RAD51C: variants seen among roughly 807,000 people sequenced by gnomAD.
RAD51C encodes RAD51 paralog C, also known as DNA repair protein RAD51 homolog 3.
In RAD51C, 42 loss-of-function variants were observed where a neutral mutation model predicts 45.0. The observed-to-expected ratio is 0.93, with a 90% CI of 0.73 to 1.21. The LOEUF (loss-of-function observed/expected upper bound fraction) is 1.21. RAD51C is among the 50% of genes most tolerant of loss of function. The probability of loss-of-function intolerance (pLI) is 0.00; values close to 1 mark genes in which losing one functional copy is unlikely to be tolerated. For synonymous variants in RAD51C, 172 were observed against 159.8 expected, an observed-to-expected ratio of 1.08 and a Z score of -0.58; for missense variants, 474 against 452.2, an observed-to-expected ratio of 1.05 and a Z score of -0.44.
Position 58,697,428 on chromosome 17 carries a change from A to G in RAD51C, c.571+569A>G, listed in dbSNP as rs177319. ...GCACATGCCTGTAATCTCAGCTACT[A>G]AGGAGGCTGAGGCAGGAGAATCACT... On this transcript the variant is annotated intron_variant, in intron 3 of 8. Transcript: ENST00000337432. 3.7e-3 allele frequency among the ~76,000 whole-genome samples: 561 copies of G among 151,348 alleles called. 3 individuals carry two copies. Among genetic ancestry groups the G allele is most frequent in the Non-Finnish European group, 5.6e-3 (378 of 67,816 alleles).
chr17:58,714,068 T>A (rs567832478), intron 5 of RAD51C, among the ~76,000 whole-genome samples: 1 of 149,738 alleles, frequency 6.7e-6, no homozygotes, highest in Admixed American at 6.7e-5. Flanking sequence ...CACTGCAGCC[T>A]CCACCTCCCA....
Position 58,699,180 on chromosome 17 carries a change from G to GT in RAD51C, c.571+2328dup, listed in dbSNP as rs1286851525. On this transcript the variant is annotated intron_variant, in intron 3 of 8. Transcript: ENST00000337432. ...TGCCACAATGCCCGGCTAATTTTTTGTTTTTTTAGCAGAGATGGAGTTTCA... is the reference window on the plus strand; with the variant it reads ...TGCCACAATGCCCGGCTAATTTTTTGTTTTTTTTAGCAGAGATGGAGTTTCA... Among the ~76,000 whole-genome samples, 14 of 151,696 alleles carry GT rather than the reference G, an allele frequency of 9.2e-5. No individual in the cohort carries two copies. In the East Asian group the frequency reaches 2.0e-3, roughly 21 times the overall value.
At chr17:58,699,568 T>C (rs1347503458) in intron 3 of RAD51C, among the ~76,000 whole-genome samples, 1 of 152,168 alleles carries the variant, frequency 6.6e-6, no homozygotes, top group Non-Finnish European at 1.5e-5. Flanking sequence ...GCATAAGGAT[T>C]ATTTTGAGCT....
chr17:58,730,858 AT>A (rs1288765823), intron 7 of RAD51C, among the ~76,000 whole-genome samples: 1 of 152,088 alleles, frequency 6.6e-6, no homozygotes, highest in Admixed American at 6.6e-5. Flanking sequence ...GTACATTCAT[AT>A]TGTGCAGCCA....
At chr17:58,710,490 C>T (rs2048523317) in intron 5 of RAD51C, among the ~76,000 whole-genome samples, 2 of 142,652 alleles carry the variant, frequency 1.4e-5, no homozygotes, top group Non-Finnish European at 1.5e-5. Context: ...AGCAAGACTC[C>T]GTCTCAAGGC....
intron 3 of RAD51C, among the ~76,000 whole-genome samples, chr17:58,702,427 G>A (rs918898774): frequency 6.6e-6 from 1 of 152,060 alleles, no homozygotes; most frequent in African/African-American, 2.4e-5. Context: ...GGTGGTTCAT[G>A]CCTGTAATCC....
At chr17:58,705,065 A>T (rs2048332928) in intron 4 of RAD51C, among the ~76,000 whole-genome samples, 1 of 151,882 alleles carries the variant, frequency 6.6e-6, no homozygotes, top group Non-Finnish European at 1.5e-5. Flanking sequence ...TGGGAAGCAG[A>T]GGTTGCAGTG....
At chr17:58,704,264 T>G (rs2048307329) in intron 4 of RAD51C, among the ~76,000 whole-genome samples, 1 of 151,770 alleles carries the variant, frequency 6.6e-6, no homozygotes, top group Non-Finnish European at 1.5e-5. Flanking sequence ...TGGCTTGCCT[T>G]TATTTATTTA....
chr17:58,718,423 T>C (rs2048812299), intron 5 of RAD51C, among the ~76,000 whole-genome samples: 1 of 152,200 alleles, frequency 6.6e-6, no homozygotes, highest in Admixed American at 6.5e-5. Flanking sequence ...GGAGGGAAGA[T>C]ATGTATTAGA....
At chr17:58,697,105 G>A (rs2048044756) in intron 3 of RAD51C, among the ~76,000 whole-genome samples, 1 of 152,120 alleles carries the variant, frequency 6.6e-6, no homozygotes, top group African/African-American at 2.4e-5. Flanking sequence ...ACCTATGTAT[G>A]TATTTCAGTC....
intron 7 of RAD51C, among the ~76,000 whole-genome samples, chr17:58,729,091 A>G (rs1321414311): frequency 1.3e-5 from 2 of 152,222 alleles, no homozygotes; most frequent in Non-Finnish European, 2.9e-5. Context: ...ATGTTAAGCT[A>G]CATCTCAGCT....
chr17:58,733,719 A>G (rs568340735), intron 8 of RAD51C, among the ~76,000 whole-genome samples: 1 of 152,268 alleles, frequency 6.6e-6, no homozygotes, highest in East Asian at 1.9e-4. Context: ...TTCTATCTCA[A>G]GAACTTTCTT....
At chr17:58,719,358 G>A (rs1208795292) in intron 5 of RAD51C, among the ~76,000 whole-genome samples, 2 of 151,836 alleles carry the variant, frequency 1.3e-5, no homozygotes, top group African/African-American at 4.8e-5. Context: ...GACTACAGTT[G>A]TGCACCACCA....
intron 5 of RAD51C, among the ~76,000 whole-genome samples, chr17:58,713,061 G>A (rs1184537212): frequency 6.6e-6 from 1 of 151,886 alleles, no homozygotes; most frequent in African/African-American, 2.4e-5. Flanking sequence ...GGGAGGCAAA[G>A]GTTGCAGTGA....
chr17:58,697,099 A>G (rs1339666681), intron 3 of RAD51C, among the ~76,000 whole-genome samples: 3 of 152,068 alleles, frequency 2.0e-5, no homozygotes, highest in South Asian at 2.1e-4. Flanking sequence ...GACAAAACCT[A>G]TGTATGTATT....
At chr17:58,719,256 A>G (rs1245280117) in intron 5 of RAD51C, among the ~76,000 whole-genome samples, 1 of 151,818 alleles carries the variant, frequency 6.6e-6, no homozygotes, top group Non-Finnish European at 1.5e-5. Context: ...CTTGGTCATC[A>G]GGCTGGGGTA....
intron 5 of RAD51C, among the ~76,000 whole-genome samples, chr17:58,712,860 C>T (rs960151427): frequency 2.0e-5 from 3 of 151,410 alleles, no homozygotes; most frequent in Admixed American, 6.6e-5. Flanking sequence ...CAGTGGCTCA[C>T]GCCTGTAATC....
chr17:58,698,959 T>C (rs12938772), intron 3 of RAD51C, among the ~76,000 whole-genome samples: 99,993 of 151,660 alleles, frequency 0.66, 33,706 homozygotes, highest in African/African-American at 0.79. Context: ...AAGTTCTTAT[T>C]CTTTCAATTA....
intron 6 of RAD51C, among the ~76,000 whole-genome samples, chr17:58,723,079 C>T (rs2048977313): frequency 6.6e-6 from 1 of 152,068 alleles, no homozygotes; most frequent in African/African-American, 2.4e-5. Flanking sequence ...GTTCAACTGC[C>T]CTCTTTGCCC....
Sources: allele counts gnomAD v4.1 joint callset (sites outside exome capture counted in the v4.1 genomes callset), GRCh38; gene constraint gnomAD v4.1.1; transcripts MANE v1.5; gene names NCBI Gene and HGNC (gene_info 2026-07-23, HGNC 2026-07-21).